SNX13: variants seen among roughly 807,000 people sequenced by gnomAD.
SNX13 encodes the protein sorting nexin-13.
SNX13 carries 45 observed loss-of-function variants against 133.6 expected under a neutral mutation model. That is an observed-to-expected ratio of 0.34 (90% CI 0.27 to 0.43). The LOEUF is 0.43. Ranked by LOEUF, SNX13 falls within the 20% of genes least tolerant of loss-of-function variation. SNX13 has a pLI of 1.00. For synonymous variants in SNX13, 414 were observed against 373.9 expected, an observed-to-expected ratio of 1.11 and a Z score of -1.24; for missense variants, 1,032 against 1,145.1, an observed-to-expected ratio of 0.90 and a Z score of 1.43.
At chr7:17,864,829 AGAG>A (rs60186883) in intron 9 of SNX13, among the ~76,000 whole-genome samples, 84,057 of 150,652 alleles carry the variant, frequency 0.56, 23,893 homozygotes, top group South Asian at 0.68. Flanking sequence ...AGGAAGAGGA[AGAG>A]GAGGAGGAGG....
At chr7:17,811,057 G>C (rs1202633489) in intron 20 of SNX13, among the ~76,000 whole-genome samples, 2 of 152,100 alleles carry the variant, frequency 1.3e-5, no homozygotes, top group African/African-American at 4.8e-5. Context: ...ATACTGAATG[G>C]GCAAAAGCTG....
chr7:17,880,351 A>G (rs1450607768), intron 5 of SNX13: 2 of 152,220 alleles, frequency 1.3e-5, no homozygotes, highest in Non-Finnish European at 2.9e-5. Flanking sequence ...TTTTCATAGA[A>G]ACTACCTTGT....
intron 5 of SNX13, among the ~76,000 whole-genome samples, chr7:17,876,574 C>CAAAAA (rs200148485): frequency 1.7e-5 from 2 of 120,792 alleles, no homozygotes; most frequent in East Asian, 2.3e-4. Context: ...GCTATCTCAT[C>CAAAAA]AAAAAAAAAA....
intron 1 of SNX13, among the ~76,000 whole-genome samples, chr7:17,904,157 A>T (rs1798143534): frequency 1.3e-5 from 2 of 152,234 alleles, no homozygotes; most frequent in Admixed American, 1.3e-4. Flanking sequence ...ATCTCATTTG[A>T]TCCTAAAAAG....
At chr7:17,860,527 G>T (rs886350631) in intron 9 of SNX13, among the ~76,000 whole-genome samples, 1 of 151,966 alleles carries the variant, frequency 6.6e-6, no homozygotes, top group African/African-American at 2.4e-5. Context: ...TGAGTTTTTG[G>T]TATCATATCA....
intron 5 of SNX13, chr7:17,879,961 C>T (rs1795152924): frequency 6.6e-6 from 1 of 152,166 alleles, no homozygotes; most frequent in African/African-American, 2.4e-5. Context: ...TATACATACA[C>T]AGGGATGGAG....
intron 1 of SNX13, among the ~76,000 whole-genome samples, chr7:17,925,505 A>G (rs1467274122): frequency 2.6e-5 from 4 of 152,226 alleles, no homozygotes; most frequent in Non-Finnish European, 5.9e-5. Context: ...TAAAGGACAG[A>G]CATACAGATC....
Position 17,834,774 on chromosome 7 carries a change from T to G in SNX13, c.1451A>C (p.Asp484Ala). 1 of 1,597,742 alleles carries G rather than the reference T, an allele frequency of 6.3e-7. No individual in the cohort carries two copies. Among genetic ancestry groups the G allele is most frequent in the East Asian group, 2.2e-5 (1 of 44,584 alleles). Residue 484 changes from aspartate to alanine, a missense_variant, in exon 14 of 26, where the codon GAC becomes GCC. By Grantham distance (126) the Asp-to-Ala change is moderately radical. Coordinates refer to ENST00000428135, the MANE Select transcript of SNX13 (RefSeq NM_015132.5). ...HEDPTPEIFDDIQRKVYELML... is the reference protein window; with the variant it reads ...HEDPTPEIFDAIQRKVYELML... ...ACATAATAATACCTTTCTTTGAATG[T>G]CATCAAAGATTTCAGGGGTTGGATC...
intron 20 of SNX13, among the ~76,000 whole-genome samples, chr7:17,812,132 G>A (rs1276601903): frequency 6.6e-6 from 1 of 152,062 alleles, no homozygotes; most frequent in African/African-American, 2.4e-5. Flanking sequence ...GGCAACAAAA[G>A]CCAAAATTGA....
chr7:17,807,657 T>TGCCTCCTGACTGGGAGAC (rs774697726), intron 20 of SNX13, among the ~76,000 whole-genome samples: 15 of 152,186 alleles, frequency 9.9e-5, no homozygotes, highest in Non-Finnish European at 1.6e-4. Context: ...CTGAGCCCCA[T>TGCCTCCTGACTGGGAGAC]GCCTCCTGAC....
intron 1 of SNX13, among the ~76,000 whole-genome samples, chr7:17,902,224 A>G (rs1240930600): frequency 6.6e-6 from 1 of 150,880 alleles, no homozygotes; most frequent in Non-Finnish European, 1.5e-5. Flanking sequence ...CAGTGAAAAA[A>G]CAGTCATTAC....
At chr7:17,927,621 C>G (rs902118991) in intron 1 of SNX13, among the ~76,000 whole-genome samples, 1 of 152,162 alleles carries the variant, frequency 6.6e-6, no homozygotes, top group African/African-American at 2.4e-5. Flanking sequence ...CTTTAGATTG[C>G]CTGTCCTTAT....
intron 22 of SNX13, among the ~76,000 whole-genome samples, chr7:17,799,645 C>T (rs1184214646): frequency 1.3e-5 from 2 of 151,660 alleles, no homozygotes; most frequent in Non-Finnish European, 1.5e-5. Flanking sequence ...GAAAAAGATG[C>T]TGAAGTTCAA....
In SNX13 at chr7:17,875,693, T is replaced by C. The variant is rs778192546; in HGVS notation, c.538A>G (p.Thr180Ala). The C allele has an allele frequency of 1.1e-5, 18 of 1,610,592 alleles. No individual in the cohort carries two copies. The highest frequency in any genetic ancestry group is 1.6e-4 in the Middle Eastern group (1 of 6,072). Residue 180 changes from threonine to alanine, a missense_variant, in exon 6 of 26, where the codon ACA becomes GCA. Physicochemically the swap from Thr to Ala is moderately conservative, Grantham distance 58. Transcript: ENST00000428135. ...RVFRKAQQKI[T>A]EKDDQVKGTA... ...CCTTTCACTTGATCATCTTTCTCTG[T>C]TATTTTCTGTTGAGCCTTTCTGAAT...
At chr7:17,913,732 G>A (rs1351249060) in intron 1 of SNX13, among the ~76,000 whole-genome samples, 4 of 108,568 alleles carry the variant, frequency 3.7e-5, no homozygotes, top group Non-Finnish European at 3.7e-5. Flanking sequence ...CAAAAAGCCC[G>A]AGCCAAACAA....
intron 20 of SNX13, among the ~76,000 whole-genome samples, chr7:17,811,052 G>T (rs1001574625): frequency 2.6e-5 from 4 of 152,170 alleles, no homozygotes; most frequent in Non-Finnish European, 5.9e-5. Flanking sequence ...ATATCATACT[G>T]AATGGGCAAA....
At chr7:17,848,037 CCT>C (rs1416033695) in intron 11 of SNX13, among the ~76,000 whole-genome samples, 2 of 152,080 alleles carry the variant, frequency 1.3e-5, no homozygotes, top group South Asian at 2.1e-4. Flanking sequence ...AATTTATATC[CCT>C]GTTTTCCTGC....
intron 9 of SNX13, 77 bp downstream of exon 9, chr7:17,868,330 C>T: frequency 2.0e-6 from 2 of 977,212 alleles, no homozygotes; most frequent in Admixed American, 2.6e-5. Flanking sequence ...ACTGCTTAAA[C>T]ACCCTATCTC....
rs577003644 is a variant in SNX13, at chr7:17,870,117, A to G, written c.754-1627T>C. 9.5e-4 allele frequency among the ~76,000 whole-genome samples: 144 copies of G among 152,306 alleles called. 1 individual carries two copies. The highest frequency in any genetic ancestry group is 3.2e-3 in the African/African-American group (134 of 41,562). ...ATTCCAAGCAAGTAGGCACTTCCAC[A>G]TAATTCCTACTTTAAGACCTCCAAT... On this transcript the variant is annotated intron_variant, in intron 8 of 25. Transcript: ENST00000428135.
Sources: allele counts gnomAD v4.1 joint callset (sites outside exome capture counted in the v4.1 genomes callset), GRCh38; gene constraint gnomAD v4.1.1; transcripts MANE v1.5; gene names NCBI Gene and HGNC (gene_info 2026-07-23, HGNC 2026-07-21).